Variants in SMYD3 observed in about 807,000 individuals in gnomAD.
SMYD3 encodes the protein SET and MYND domain containing 3.
In SMYD3, 36 loss-of-function variants were observed where a neutral mutation model predicts 57.7. That is an observed-to-expected ratio of 0.62 (90% CI 0.48 to 0.82). SMYD3 has a LOEUF of 0.82. Among genes scored for constraint, SMYD3 ranks in the 40% least tolerant of loss-of-function variants. The pLI is 0.00. For missense variants in SMYD3, 515 were observed against 538.8 expected (o/e 0.96, Z 0.44); for synonymous variants, 211 against 195.0 (o/e 1.08, Z -0.68).
chr1:246,503,890 G>A (rs561570628), intron 1 of SMYD3, among the ~76,000 whole-genome samples: 55 of 150,650 alleles, frequency 3.7e-4, no homozygotes, highest in Non-Finnish European at 7.2e-4. Flanking sequence ...GGAGGCGGAG[G>A]TTGTGGTGAG....
intron 7 of SMYD3, among the ~76,000 whole-genome samples, chr1:245,919,428 C>T (rs567858039): frequency 1.3e-5 from 2 of 152,290 alleles, no homozygotes; most frequent in South Asian, 4.1e-4. Context: ...CACACTCAGC[C>T]TCCTGAGAGC....
intron 2 of SMYD3, among the ~76,000 whole-genome samples, chr1:246,336,010 T>TA (rs1273678842): frequency 6.6e-6 from 1 of 152,200 alleles, no homozygotes. Context: ...CTAAAATCAT[T>TA]AAATGTCCAG....
At chr1:246,446,767 C>T (rs568211738) in intron 1 of SMYD3, among the ~76,000 whole-genome samples, 2 of 152,246 alleles carry the variant, frequency 1.3e-5, no homozygotes, top group East Asian at 1.9e-4. Context: ...CTGTGGCTCA[C>T]GCCTGTAATC....
At chr1:246,304,339 T>C (rs1421973945) in intron 5 of SMYD3, among the ~76,000 whole-genome samples, 1 of 152,152 alleles carries the variant, frequency 6.6e-6, no homozygotes, top group African/African-American at 2.4e-5. Flanking sequence ...GACATAGCCA[T>C]AATACATATA....
At chr1:245,794,250 T>C (rs1467616849) in intron 10 of SMYD3, among the ~76,000 whole-genome samples, 1 of 152,260 alleles carries the variant, frequency 6.6e-6, no homozygotes, top group Non-Finnish European at 1.5e-5. Context: ...ACTTTTCTTG[T>C]AATACACATT....
chr1:246,154,512 A>T (rs184576857), intron 5 of SMYD3, among the ~76,000 whole-genome samples: 30 of 152,326 alleles, frequency 2.0e-4, no homozygotes, highest in Non-Finnish European at 3.5e-4. Context: ...GTTTCTTTTA[A>T]TAGACTTTCA....
At chr1:246,375,202 C>T (rs777368586) in intron 1 of SMYD3, among the ~76,000 whole-genome samples, 18 of 152,046 alleles carry the variant, frequency 1.2e-4, no homozygotes, top group South Asian at 2.1e-4. Flanking sequence ...TTTCAGGAAC[C>T]TAATCCTGTA....
intron 5 of SMYD3, among the ~76,000 whole-genome samples, chr1:245,990,927 C>A (rs1392749932): frequency 6.6e-6 from 1 of 152,216 alleles, no homozygotes; most frequent in East Asian, 1.9e-4. Context: ...CTACACTAGT[C>A]CCTTTCCAAA....
chr1:245,762,425 CGTTGTT>C (rs992627592), intron 11 of SMYD3, among the ~76,000 whole-genome samples: 4 of 152,160 alleles, frequency 2.6e-5, no homozygotes, highest in African/African-American at 9.7e-5. Flanking sequence ...ATTTCCTGCA[CGTTGTT>C]TTTCTGTCAG....
At chr1:245,765,249 G>T (rs2148060761) in intron 10 of SMYD3, among the ~76,000 whole-genome samples, 1 of 150,742 alleles carries the variant, frequency 6.6e-6, no homozygotes, top group East Asian at 2.0e-4. Context: ...ATACAAAAAT[G>T]AGCCAGGTGT....
chr1:246,429,635 A>C (rs1036232324), intron 1 of SMYD3, among the ~76,000 whole-genome samples: 3 of 152,234 alleles, frequency 2.0e-5, no homozygotes, highest in African/African-American at 7.2e-5. Flanking sequence ...TTAAGATGAA[A>C]GATATTAACT....
At chr1:246,066,251 T>C (rs1489371559) in intron 5 of SMYD3, among the ~76,000 whole-genome samples, 2 of 152,282 alleles carry the variant, frequency 1.3e-5, no homozygotes, top group South Asian at 2.1e-4. Flanking sequence ...AACACAGTCA[T>C]TCAAACCGGG....
intron 5 of SMYD3, among the ~76,000 whole-genome samples, chr1:245,965,981 G>A (rs973138361): frequency 2.0e-5 from 3 of 152,136 alleles, no homozygotes; most frequent in Admixed American, 2.0e-4. Context: ...GTGGGGCAGG[G>A]AATGGCCAAG....
At chr1:246,297,057 T>C (rs1224082057) in intron 5 of SMYD3, among the ~76,000 whole-genome samples, 1 of 152,140 alleles carries the variant, frequency 6.6e-6, no homozygotes, top group Non-Finnish European at 1.5e-5. Flanking sequence ...GGGACATAAA[T>C]GGCCAGCAGT....
At chr1:246,124,740 A>G (rs55719978) in intron 5 of SMYD3, among the ~76,000 whole-genome samples, 135 of 152,276 alleles carry the variant, frequency 8.9e-4, no homozygotes, top group Non-Finnish European at 1.6e-3. Flanking sequence ...CAGCTAGAAT[A>G]TATCTTGGTT....
intron 5 of SMYD3, among the ~76,000 whole-genome samples, chr1:246,297,925 G>A (rs2064824599): frequency 6.6e-6 from 1 of 152,064 alleles, no homozygotes; most frequent in Non-Finnish European, 1.5e-5. Context: ...AGGACATCTT[G>A]AATTTAATTG....
chr1:246,241,790 G>A (rs1281650818), intron 5 of SMYD3, among the ~76,000 whole-genome samples: 3 of 152,174 alleles, frequency 2.0e-5, no homozygotes, highest in African/African-American at 7.2e-5. Context: ...GGTCTATTCA[G>A]AGATTCAACT....
intron 1 of SMYD3, among the ~76,000 whole-genome samples, chr1:246,451,878 A>G (rs2067638390): frequency 6.6e-6 from 1 of 152,246 alleles, no homozygotes; most frequent in Non-Finnish European, 1.5e-5. Flanking sequence ...TCTAACAAGT[A>G]CATCAAAAAT....
At chr1:246,379,998 A>G (rs1257067941) in intron 1 of SMYD3, among the ~76,000 whole-genome samples, 2 of 148,774 alleles carry the variant, frequency 1.3e-5, no homozygotes, top group African/African-American at 5.0e-5. Flanking sequence ...TCAGAGCAAC[A>G]CTCTGTCTCA....
Sources: gnomAD v4.1 joint callset for allele counts (sites outside exome capture counted in the v4.1 genomes callset) on GRCh38, gnomAD v4.1.1 for gene constraint, MANE v1.5 for transcripts, NCBI Gene and HGNC (gene_info 2026-07-23, HGNC 2026-07-21) for gene names.